ADARB1: variants seen among roughly 807,000 people sequenced by gnomAD.
ADARB1 encodes the protein adenosine deaminase RNA specific B1, also known as double-stranded RNA-specific editase 1.
ADARB1 carries 10 observed loss-of-function variants against 52.4 expected under a neutral mutation model. The observed-to-expected ratio is 0.19, with a 90% confidence interval of 0.12 to 0.32. The LOEUF (loss-of-function observed/expected upper bound fraction) is 0.32, where lower values mean the gene tolerates loss of function less well. ADARB1 is among the 10% of genes least tolerant of loss of function. ADARB1 has a pLI of 1.00. For missense variants in ADARB1, 643 were observed against 922.3 expected, an observed-to-expected ratio of 0.70 and a Z score of 3.92; for synonymous variants, 349 against 371.1, an observed-to-expected ratio of 0.94 and a Z score of 0.68.
At chr21:45,207,305 G>T (rs1246832206) in intron 9 of ADARB1, among the ~76,000 whole-genome samples, 1 of 152,222 alleles carries the variant, frequency 6.6e-6, no homozygotes, top group East Asian at 1.9e-4. Context: ...AGAGAGTTCA[G>T]ATCAGCAAAG....
At chr21:45,129,595 A>T (rs1191088627) in intron 2 of ADARB1, among the ~76,000 whole-genome samples, 2 of 152,234 alleles carry the variant, frequency 1.3e-5, no homozygotes, top group East Asian at 1.9e-4. Context: ...GGCAGCTCTC[A>T]TGTGAGCCGC....
At position 45,185,075 on chromosome 21, in the gene ADARB1, A is replaced by G; in HGVS notation, c.1549A>G (p.Ser517Gly). The stretch of plus-strand genomic sequence containing the variant: ...GGAGCGGCTGCTCACCATGTCCTGC[A>G]GTGACAAGATTGCACGGTAAGGGGC... ...QGERLLTMSCSDKIARWNVVG... is the reference protein window; with the variant it reads ...QGERLLTMSCGDKIARWNVVG... Residue 517 changes from serine (S) to glycine (G), a missense_variant, in exon 8 of 11, where the codon AGT (serine) becomes GGT (glycine). Ser to Gly is a moderately conservative substitution (Grantham distance 56, BLOSUM62 0). Transcript: ENST00000348831. The G allele has an allele frequency of 6.2e-7, 1 of 1,614,188 alleles. No homozygotes were observed. The highest frequency in any genetic ancestry group is 8.5e-7 in the Non-Finnish European group (1 of 1,180,016).
At position 45,222,191 on chromosome 21, in the gene ADARB1, G is replaced by A. The variant is rs370732218; in HGVS notation, c.2100G>A (p.Thr700=). The change falls in exon 11 of 11, where the codon ACG becomes ACA. Residue 700 remains threonine, a synonymous_variant. Transcript: ENST00000348831. ...CCGAGCAGGACCAGTTCTCACTCAC[G>A]CCCTGACCCGGGCAGACATGATGGG... ...KPTEQDQFSL[T]P 3.8e-6 allele frequency: 6 copies of A among 1,570,014 alleles called. No individual in the cohort carries two copies. Among genetic ancestry groups the A allele is most frequent in the Admixed American group, 1.9e-5 (1 of 53,282 alleles).
At chr21:45,087,946 G>A (rs2086411607) in intron 1 of ADARB1, among the ~76,000 whole-genome samples, 1 of 152,206 alleles carries the variant, frequency 6.6e-6, no homozygotes, top group African/African-American at 2.4e-5. Context: ...GACTTTATGT[G>A]TATGTGGGGA....
chr21:45,074,620 G>GGCGGCGGCGGCGGCGGCGGCA lies in ADARB1; in HGVS notation c.-391_-390insGGCGGCGGCGGCGGCGGCAGC, dbSNP rs1555882629. ...CCGTGGCGGCGGCGGCGGCGGCGGCGGCAGCGGCGGCCAAGCGGCCAGGTT... is the reference window on the plus strand; with the variant it reads ...CCGTGGCGGCGGCGGCGGCGGCGGCGGCGGCGGCGGCGGCGGCGGCAGCAGCGGCGGCCAAGCGGCCAGGTT... On this transcript the variant is annotated 5_prime_UTR_variant, in exon 1 of 11. Coordinates refer to ENST00000348831, the MANE Select transcript of ADARB1 (RefSeq NM_001112.4). 6.7e-6 allele frequency: 1 copy of GGCGGCGGCGGCGGCGGCGGCA among 149,084 alleles called. No individual in the cohort carries two copies. Among genetic ancestry groups the GGCGGCGGCGGCGGCGGCGGCA allele is most frequent in the East Asian group, 1.9e-4 (1 of 5,144 alleles). The allele number at this position is 149,084 out of a possible 1,614,324, so 9.2% of individuals were successfully genotyped here.
intron 2 of ADARB1, among the ~76,000 whole-genome samples, chr21:45,148,915 CTG>C (rs1413893497): frequency 6.6e-6 from 1 of 152,210 alleles, no homozygotes; most frequent in Non-Finnish European, 1.5e-5. Flanking sequence ...AGGGCTGTGA[CTG>C]TCTCCTTTTC....
At chr21:45,116,023 A>C (rs184391697) in intron 1 of ADARB1, among the ~76,000 whole-genome samples, 11 of 152,366 alleles carry the variant, frequency 7.2e-5, no homozygotes, top group Non-Finnish European at 1.3e-4. Flanking sequence ...TGTATGTTGC[A>C]TTCTTGCTGA....
intron 8 of ADARB1, among the ~76,000 whole-genome samples, chr21:45,201,908 G>A (rs993102017): frequency 6.6e-6 from 1 of 152,180 alleles, no homozygotes; most frequent in Non-Finnish European, 1.5e-5. Flanking sequence ...GGGCAGCCAT[G>A]GCTGCCTCTG....
chr21:45,089,594 A>C (rs188758711), intron 1 of ADARB1, among the ~76,000 whole-genome samples: 80 of 151,822 alleles, frequency 5.3e-4, no homozygotes, highest in Non-Finnish European at 8.7e-4. Flanking sequence ...ATAGTTTTAT[A>C]TTTTGTTTTT....
At chr21:45,202,863 G>A (rs1445395770) in intron 8 of ADARB1, among the ~76,000 whole-genome samples, 1 of 149,526 alleles carries the variant, frequency 6.7e-6, no homozygotes, top group African/African-American at 2.5e-5. Flanking sequence ...CCTGCAGCCT[G>A]TGCCACACTG....
At chr21:45,211,571 G>C (rs2146399377) in intron 9 of ADARB1, among the ~76,000 whole-genome samples, 1 of 152,206 alleles carries the variant, frequency 6.6e-6, no homozygotes, top group Middle Eastern at 3.4e-3. Flanking sequence ...TACTGTATGA[G>C]GAACCTATTG....
rs574639715 is a variant in ADARB1 at position 45,148,765 on chromosome 21, G to A, written c.-48+20192G>A. On this transcript the variant is annotated intron_variant, in intron 2 of 10. Coordinates refer to ENST00000348831, the MANE Select transcript of ADARB1 (RefSeq NM_001112.4). ...TAACATCCGCCCCTCCTCTGGGAGC[G>A]TTGTTTCTCTACTCCTGGCTGCCCA... Among the ~76,000 whole-genome samples the A allele has an allele frequency of 3.3e-5, 5 of 152,274 alleles. No homozygotes were observed. The South Asian group carries it at 6.2e-4, about 19-fold the overall frequency.
At chr21:45,088,434 G>T (rs1460302464) in intron 1 of ADARB1, among the ~76,000 whole-genome samples, 1 of 152,164 alleles carries the variant, frequency 6.6e-6, no homozygotes. Flanking sequence ...GATAGTATAG[G>T]TGTATAATCT....
chr21:45,134,633 A>G, intron 2 of ADARB1: 1 of 411,782 alleles, frequency 2.4e-6, no homozygotes, highest in South Asian at 1.8e-5. Flanking sequence ...GAAGAATCCT[A>G]CAGATCCCTA....
intron 2 of ADARB1, among the ~76,000 whole-genome samples, chr21:45,159,203 A>G (rs2090832208): frequency 6.6e-6 from 1 of 152,206 alleles, no homozygotes; most frequent in African/African-American, 2.4e-5. Context: ...CGGAAGATGA[A>G]GGAGGAACAA....
chr21:45,167,195 A>G (rs1569104969), intron 2 of ADARB1, among the ~76,000 whole-genome samples: 3 of 152,210 alleles, frequency 2.0e-5, no homozygotes, highest in African/African-American at 7.2e-5. Flanking sequence ...ACTATTTTCT[A>G]CTGCGAGACA....
Position 45,223,596 on chromosome 21 carries a change from T to C in ADARB1, c.*1399T>C, listed in dbSNP as rs1231180392. 8 of 985,590 alleles carry C rather than the reference T, an allele frequency of 8.1e-6. No individual in the cohort carries two copies. In the African/African-American group the frequency reaches 1.0e-4, roughly 13 times the overall value. 61.1% of individuals were successfully genotyped at this position (985,590 alleles called of 1,614,324 possible). A position where few individuals can be genotyped will look rare whatever the true frequency, so the allele number is the denominator to read the frequency against. On this transcript the variant is annotated 3_prime_UTR_variant, in exon 11 of 11. Transcript: ENST00000348831. ...TGTTCAGGTGGGTCTCCTGGGGCCA[T>C]GGGGAGAGATTGGTGCAGACCTTAC... is the stretch of plus-strand genomic sequence containing the variant.
chr21:45,124,055 T>C (rs895458851), intron 1 of ADARB1, among the ~76,000 whole-genome samples: 2 of 152,274 alleles, frequency 1.3e-5, no homozygotes, highest in African/African-American at 4.8e-5. Context: ...GATTTATTAA[T>C]GAAGTGGATT....
At chr21:45,106,589 A>C (rs958167277) in intron 1 of ADARB1, among the ~76,000 whole-genome samples, 2 of 152,304 alleles carry the variant, frequency 1.3e-5, no homozygotes, top group Middle Eastern at 3.4e-3. Flanking sequence ...GGAACTTCCG[A>C]GCAACTTAAA....
Sources: allele counts gnomAD v4.1 joint callset (sites outside exome capture counted in the v4.1 genomes callset), GRCh38; gene constraint gnomAD v4.1.1; transcripts MANE v1.5; gene names NCBI Gene and HGNC (gene_info 2026-07-23, HGNC 2026-07-21).